The following ERCC6L2 variants were observed in gnomAD, a reference collection of about 807,000 sequenced individuals.
ERCC6L2 encodes the protein DNA excision repair protein ERCC-6-like 2.
Under a neutral mutation model 132.0 loss-of-function variants are expected in ERCC6L2, and 77 were observed. The observed-to-expected ratio is 0.58, with a 90% confidence interval of 0.49 to 0.71. The LOEUF is 0.71. Ranked by LOEUF, ERCC6L2 falls within the 30% of genes least tolerant of loss-of-function variation. The pLI, the probability that ERCC6L2 is intolerant of heterozygous loss-of-function variation, is 0.00. For synonymous variants in ERCC6L2, 583 were observed against 632.4 expected (o/e 0.92, Z 1.17); for missense variants, 1,542 against 1,837.6 (o/e 0.84, Z 2.94).
chr9:96,001,468 A>G (rs1245629342), intron 17 of ERCC6L2, among the ~76,000 whole-genome samples: 1 of 152,182 alleles, frequency 6.6e-6, no homozygotes, highest in Non-Finnish European at 1.5e-5. Flanking sequence ...CCAAGGCCCC[A>G]CCAGAGCAGC....
intron 4 of ERCC6L2, among the ~76,000 whole-genome samples, chr9:95,909,455 G>A (rs1829237204): frequency 6.6e-6 from 1 of 152,054 alleles, no homozygotes; most frequent in Admixed American, 6.6e-5. Flanking sequence ...CTTTACAGTG[G>A]CTTTTCCTCA....
At chr9:95,970,748 C>T in intron 15 of ERCC6L2, 92 bp downstream of exon 15, 1 of 905,936 alleles carries the variant, frequency 1.1e-6, no homozygotes, top group Non-Finnish European at 1.4e-6. Flanking sequence ...ATTTTATAAC[C>T]TGTAAAAAAA....
chr9:95,956,050 CATTT>C (rs1421106057), intron 13 of ERCC6L2, 37 bp downstream of exon 13: 2 of 1,267,086 alleles, frequency 1.6e-6, no homozygotes, highest in Non-Finnish European at 1.1e-6. Context: ...CAGAGGTCAA[CATTT>C]ATCTGTTTTC....
Position 96,013,091 on chromosome 9 carries a change from GGA to G in ERCC6L2, c.4546_4547del (p.Glu1516ArgfsTer11). The G allele has an allele frequency of 7.3e-7, 1 of 1,367,610 alleles. No homozygotes were observed. Among genetic ancestry groups the G allele is most frequent in the Non-Finnish European group, 9.8e-7 (1 of 1,021,846 alleles). The allele number at this position is 1,367,610 out of a possible 1,614,324, so 84.7% of individuals were successfully genotyped here. On this transcript the variant is annotated frameshift_variant, in exon 19 of 19. Transcript: ENST00000653738. LOFTEE classifies it low-confidence loss of function (END_TRUNC). The stretch of plus-strand genomic sequence containing the variant: ...GCACCTCTAGCAGCACCCTTTAAAA[GGA>G]GAGAAGAGCCAGCAACTTCTCTTTG...
intron 12 of ERCC6L2, among the ~76,000 whole-genome samples, chr9:95,942,499 A>G (rs985663927): frequency 3.3e-5 from 5 of 151,960 alleles, no homozygotes; most frequent in Non-Finnish European, 5.9e-5. Flanking sequence ...AAGGTCTGGG[A>G]AAAAAAATGG....
intron 1 of ERCC6L2, chr9:95,876,408 A>C (rs1827271962): frequency 3.2e-6 from 1 of 311,120 alleles, no homozygotes; most frequent in East Asian, 5.4e-5. Context: ...CAAAGTATTT[A>C]TGTGACCCCG....
rs1564212335 is a variant in ERCC6L2 at position 95,907,854 on chromosome 9, C to CAA, written c.788+584_788+585insAA. ...ACACACACACACACACACACACACA[C>CAA]ACCCCCACACCCACACACCCACTGT... On this transcript the variant is annotated intron_variant, in intron 4 of 18. Coordinates refer to ENST00000653738, the MANE Select transcript of ERCC6L2 (RefSeq NM_020207.7). 6.7e-3 allele frequency among the ~76,000 whole-genome samples: 998 copies of CAA among 149,886 alleles called. 15 individuals are homozygous for CAA. The highest frequency in any genetic ancestry group is 0.023 in the African/African-American group (950 of 40,654).
At chr9:95,938,158 T>C (rs1437152160) in intron 11 of ERCC6L2, among the ~76,000 whole-genome samples, 1 of 152,070 alleles carries the variant, frequency 6.6e-6, no homozygotes, top group Non-Finnish European at 1.5e-5. Flanking sequence ...AATGTATTGC[T>C]AGTTTGACTC....
intron 2 of ERCC6L2, among the ~76,000 whole-genome samples, chr9:95,894,584 CTTTTTTTTTTTTT>C (rs1218474585): frequency 3.6e-5 from 3 of 83,496 alleles, no homozygotes; most frequent in African/African-American, 6.0e-5. Context: ...ATATGTCAGC[CTTTTTTTTTTTTT>C]TTTTTTTTTT....
chr9:95,899,202 T>C (rs138285544), intron 3 of ERCC6L2, among the ~76,000 whole-genome samples: 4 of 152,182 alleles, frequency 2.6e-5, no homozygotes, highest in African/African-American at 9.6e-5. Context: ...GTAATCCCAG[T>C]ACTTTGGGAG....
intron 17 of ERCC6L2, among the ~76,000 whole-genome samples, chr9:95,984,840 G>A (rs115779500): frequency 0.012 from 1,821 of 152,222 alleles, 37 homozygotes; most frequent in African/African-American, 0.041. Context: ...TTTATTCCAT[G>A]AACAACTTTC....
intron 11 of ERCC6L2, among the ~76,000 whole-genome samples, chr9:95,933,793 G>T (rs745933520): frequency 6.7e-6 from 1 of 148,408 alleles, no homozygotes; most frequent in African/African-American, 2.5e-5. Context: ...GCAGTAAGCT[G>T]AGATGACGCC....
At chr9:95,974,478 T>C (rs1421444062) in intron 16 of ERCC6L2, among the ~76,000 whole-genome samples, 1 of 152,208 alleles carries the variant, frequency 6.6e-6, no homozygotes, top group Admixed American at 6.5e-5. Context: ...ATGAATATTT[T>C]GGTTCCTGAA....
chr9:96,023,617 G>A (rs1018001740), intron 19 of ERCC6L2, among the ~76,000 whole-genome samples: 12 of 152,142 alleles, frequency 7.9e-5, no homozygotes, highest in Admixed American at 4.6e-4. Flanking sequence ...TGCTATTTCC[G>A]AATGGAGCCC....
At chr9:96,022,049 G>C (rs1225281105), downstream of ERCC6L2, among the ~76,000 whole-genome samples, 1 of 151,812 alleles carries the variant, frequency 6.6e-6, no homozygotes, top group African/African-American at 2.4e-5. Context: ...CCTCCCTCCC[G>C]CCTCCGAAGC....
chr9:95,884,695 T>C (rs565224903), intron 2 of ERCC6L2, among the ~76,000 whole-genome samples: 3 of 152,316 alleles, frequency 2.0e-5, no homozygotes, highest in Admixed American at 1.3e-4. Flanking sequence ...GTCCATTTGT[T>C]CTAGTGACAT....
At chr9:95,907,336 G>C in intron 4 of ERCC6L2, 65 bp downstream of exon 4, 5 of 610,032 alleles carry the variant, frequency 8.2e-6, no homozygotes, top group East Asian at 4.6e-5. Flanking sequence ...TTTATATTAA[G>C]AGTTTTTTTT....
intron 13 of ERCC6L2, among the ~76,000 whole-genome samples, chr9:95,963,207 A>G (rs1363336573): frequency 6.6e-6 from 1 of 151,726 alleles, no homozygotes; most frequent in Non-Finnish European, 1.5e-5. Flanking sequence ...TGTTTGCAGA[A>G]GAATTGCAAG....
chr9:96,009,248 T>C (rs553291319), intron 18 of ERCC6L2, among the ~76,000 whole-genome samples: 1 of 152,360 alleles, frequency 6.6e-6, no homozygotes, highest in East Asian at 1.9e-4. Context: ...TCTAGTGGCA[T>C]GTTCAAGTGT....
Sources: gnomAD v4.1 joint callset for allele counts (sites outside exome capture counted in the v4.1 genomes callset) on GRCh38, gnomAD v4.1.1 for gene constraint, MANE v1.5 for transcripts, NCBI Gene and HGNC (gene_info 2026-07-23, HGNC 2026-07-21) for gene names.